INSC: variants seen among roughly 807,000 people sequenced by gnomAD.
INSC encodes INSC spindle orientation adaptor protein.
INSC carries 67 observed loss-of-function variants against 58.6 expected under a neutral mutation model. That is an observed-to-expected ratio of 1.14 (90% confidence interval 0.94 to 1.40). INSC has a LOEUF of 1.40. Among genes scored for constraint, INSC ranks in the 40% most tolerant of loss-of-function variants. The probability of loss-of-function intolerance (pLI) is 0.00; values close to 1 mark genes in which losing one functional copy is unlikely to be tolerated. For missense variants in INSC, 714 were observed against 692.0 expected (o/e 1.03, Z -0.36); for synonymous variants, 262 against 276.1 (o/e 0.95, Z 0.51).
chr11:15,180,692 G>GC lies in INSC; in HGVS notation c.579+2245_579+2246insC, dbSNP rs887258434. Among the ~76,000 whole-genome samples the GC allele has an allele frequency of 6.8e-4, 62 of 91,264 alleles. No individual in the cohort carries two copies. The Middle Eastern group carries it at 0.02, about 29-fold the overall frequency. 59.9% of individuals were successfully genotyped at this position (91,264 alleles called of 152,430 possible). ...CTCTCATGGTAGGAGTGAGGGGGGGGGCGGGGGGGGGTGGTGGCCACAGAG... is the reference window on the plus strand; with the variant it reads ...CTCTCATGGTAGGAGTGAGGGGGGGGCGCGGGGGGGGGTGGTGGCCACAGAG... On this transcript the variant is annotated intron_variant, in intron 5 of 12. Coordinates refer to ENST00000379556, the MANE Select transcript of INSC (RefSeq NM_001042536.3).
At chr11:15,113,892 T>A (rs1005186736), upstream of INSC, among the ~76,000 whole-genome samples, 10 of 152,136 alleles carry the variant, frequency 6.6e-5, no homozygotes, top group African/African-American at 9.7e-5. Context: ...GGTCGTTTTG[T>A]CATGGGGACT....
chr11:15,262,007 A>G, the INSC span, among the ~76,000 whole-genome samples: 1 of 152,102 alleles, frequency 6.6e-6, no homozygotes, highest in Non-Finnish European at 1.5e-5. Context: ...TAGAGCTAGC[A>G]GGCTGAAGCA....
intron 2 of INSC, among the ~76,000 whole-genome samples, chr11:15,164,986 T>C (rs1036538346): frequency 6.6e-6 from 1 of 152,212 alleles, no homozygotes; most frequent in Admixed American, 6.5e-5. Flanking sequence ...AAACCTCTTT[T>C]TCCTTATAAA....
At chr11:15,155,824 T>G (rs1848796930) in intron 2 of INSC, among the ~76,000 whole-genome samples, 1 of 152,164 alleles carries the variant, frequency 6.6e-6, no homozygotes, top group Non-Finnish European at 1.5e-5. Flanking sequence ...CTATTCACCC[T>G]AGAGTTTTGG....
chr11:15,259,787 T>C, the INSC span, among the ~76,000 whole-genome samples: 1 of 152,202 alleles, frequency 6.6e-6, no homozygotes, highest in Admixed American at 6.5e-5. Context: ...GAATTCAGTT[T>C]GGTCTGACTT....
the INSC span, among the ~76,000 whole-genome samples, chr11:15,256,539 G>T: frequency 6.6e-6 from 1 of 150,804 alleles, no homozygotes; most frequent in Non-Finnish European, 1.5e-5. Flanking sequence ...GCCCAGGCTG[G>T]AGTACAGTGG....
At position 15,246,829 on chromosome 11, in the gene INSC, T is replaced by C. The variant is rs902061693; in HGVS notation, c.*789T>C. ...AATGATTGATTCCTCCTCAAAAGTATACTTGAAAGCAGTGGTGTGCTGAAG... is the reference window on the plus strand; with the variant it reads ...AATGATTGATTCCTCCTCAAAAGTACACTTGAAAGCAGTGGTGTGCTGAAG... On this transcript the variant is annotated 3_prime_UTR_variant, in exon 13 of 13. Transcript: ENST00000379556. The C allele has an allele frequency of 1.3e-5, 2 of 152,204 alleles. No homozygotes were observed. Among genetic ancestry groups the C allele is most frequent in the Admixed American group, 1.3e-4 (2 of 15,284 alleles). The allele number at this position is 152,204 out of a possible 1,614,324, so 9.4% of individuals were successfully genotyped here.
intron 6 of INSC, among the ~76,000 whole-genome samples, chr11:15,197,993 A>T (rs2133876032): frequency 6.9e-6 from 1 of 145,162 alleles, no homozygotes; most frequent in Admixed American, 6.9e-5. Context: ...TCACTCCAGG[A>T]TGAGTGCTGC....
the INSC span, among the ~76,000 whole-genome samples, chr11:15,268,358 A>G: frequency 6.6e-6 from 1 of 152,034 alleles, no homozygotes; most frequent in Non-Finnish European, 1.5e-5. Context: ...TCTTGCTTTC[A>G]GATTGTCTTT....
intron 7 of INSC, among the ~76,000 whole-genome samples, chr11:15,219,706 G>A (rs191559945): frequency 6.8e-4 from 104 of 152,334 alleles, no homozygotes; most frequent in African/African-American, 2.0e-3. Flanking sequence ...CTGCAACCAC[G>A]TTGAGATTAA....
the INSC span, among the ~76,000 whole-genome samples, chr11:15,266,641 A>G: frequency 6.6e-6 from 1 of 152,000 alleles, no homozygotes; most frequent in Non-Finnish European, 1.5e-5. Flanking sequence ...TGTACCCAAG[A>G]TTGTAGTTGT....
chr11:15,207,637 G>A (rs1005624977), intron 7 of INSC, among the ~76,000 whole-genome samples: 1 of 152,154 alleles, frequency 6.6e-6, no homozygotes, highest in African/African-American at 2.4e-5. Flanking sequence ...GGAGGGAGTG[G>A]GCTGCAAGCG....
At chr11:15,170,709 C>T (rs1849366951) in intron 2 of INSC, among the ~76,000 whole-genome samples, 1 of 152,152 alleles carries the variant, frequency 6.6e-6, no homozygotes, top group Admixed American at 6.5e-5. Context: ...TACCCATGCT[C>T]AAGCTCCTCC....
intron 6 of INSC, among the ~76,000 whole-genome samples, chr11:15,200,221 G>A (rs1850529711): frequency 6.6e-6 from 1 of 151,714 alleles, no homozygotes; most frequent in Non-Finnish European, 1.5e-5. Flanking sequence ...AAATGATGAT[G>A]TGAATTTAGG....
intron 6 of INSC, among the ~76,000 whole-genome samples, chr11:15,195,697 A>T (rs1850345985): frequency 6.6e-6 from 1 of 152,194 alleles, no homozygotes; most frequent in South Asian, 2.1e-4. Context: ...TTAAACATTA[A>T]TCCCAAACAT....
the INSC span, among the ~76,000 whole-genome samples, chr11:15,259,129 T>C: frequency 5.9e-5 from 9 of 152,116 alleles, no homozygotes; most frequent in African/African-American, 2.2e-4. Flanking sequence ...TCTGGATCTG[T>C]GGGGGAGTCT....
At chr11:15,177,004 TCA>T in intron 3 of INSC, 105 bp from the exon 4 acceptor site, 1 of 889,752 alleles carries the variant, frequency 1.1e-6, no homozygotes, top group Non-Finnish European at 1.9e-6. Context: ...GTTCCCCAAG[TCA>T]CATTAATTGA....
At chr11:15,115,117 G>A (rs1812262351) in intron 1 of INSC, 114 bp downstream of exon 1, 1 of 660,188 alleles carries the variant, frequency 1.5e-6, no homozygotes. Context: ...GTGTGTCAGT[G>A]GGAGTGCTTG....
At chr11:15,241,647 T>C (rs1203851148) in intron 12 of INSC, 2 of 702,840 alleles carry the variant, frequency 2.8e-6, no homozygotes, top group Non-Finnish European at 5.2e-6. Flanking sequence ...ACATTCAAGG[T>C]AATCTTAATC....
Sources: gnomAD v4.1 joint callset for allele counts (sites outside exome capture counted in the v4.1 genomes callset) on GRCh38, gnomAD v4.1.1 for gene constraint, MANE v1.5 for transcripts, NCBI Gene and HGNC (gene_info 2026-07-23, HGNC 2026-07-21) for gene names.